The following GPD2 variants were observed in gnomAD, a reference collection of about 807,000 sequenced individuals.
GPD2 encodes glycerol-3-phosphate dehydrogenase, mitochondrial.
A neutral mutation model predicts 82.4 loss-of-function variants in GPD2; 54 were observed. That is an observed-to-expected ratio of 0.66 (90% CI 0.53 to 0.82). The LOEUF is 0.82. Among genes scored for constraint, GPD2 ranks in the 40% least tolerant of loss-of-function variants. GPD2 has a pLI of 0.00. For synonymous variants in GPD2, 288 were observed against 306.1 expected, an observed-to-expected ratio of 0.94 and a Z score of 0.62; for missense variants, 748 against 896.2, an observed-to-expected ratio of 0.83 and a Z score of 2.11.
In GPD2 at chr2:156,583,024, CT is replaced by C; in HGVS notation, c.*112del. ...TGAAATAATGAATGTGGATAGCTGC[CT>C]TTTTTAACACTAGAAAACATTCCAA... On this transcript the variant is annotated 3_prime_UTR_variant, in exon 17 of 17. Coordinates refer to ENST00000438166, the MANE Select transcript of GPD2 (RefSeq NM_000408.5). The C allele has an allele frequency of 3.3e-6, 4 of 1,215,052 alleles. No individual in the cohort carries two copies. The highest frequency in any genetic ancestry group is 4.8e-6 in the Non-Finnish European group (4 of 831,020). 75.3% of individuals were successfully genotyped at this position (1,215,052 alleles called of 1,614,324 possible).
At chr2:156,426,135 G>A in the GPD2 span, among the ~76,000 whole-genome samples, 3 of 151,926 alleles carry the variant, frequency 2.0e-5, no homozygotes, top group South Asian at 2.1e-4. Flanking sequence ...GTTTTAGCCG[G>A]GATAGTCTCG....
At chr2:156,422,798 T>C in the GPD2 span, among the ~76,000 whole-genome samples, 1 of 152,004 alleles carries the variant, frequency 6.6e-6, no homozygotes, top group Non-Finnish European at 1.5e-5. Flanking sequence ...TAGATTCACA[T>C]TTCTTGTCAC....
chr2:156,413,644 C>T, the GPD2 span, among the ~76,000 whole-genome samples: 1 of 152,050 alleles, frequency 6.6e-6, no homozygotes, highest in Non-Finnish European at 1.5e-5. Context: ...GTGGCTCACA[C>T]CTGTAATCCC....
At chr2:156,529,776 C>T (rs1685771990) in intron 6 of GPD2, among the ~76,000 whole-genome samples, 1 of 151,656 alleles carries the variant, frequency 6.6e-6, no homozygotes, top group Admixed American at 6.6e-5. Context: ...TCTGAGGGCT[C>T]TGTTCTGTTC....
intron 6 of GPD2, among the ~76,000 whole-genome samples, chr2:156,519,960 G>C (rs192716): frequency 0.67 from 102,154 of 152,138 alleles, 34,689 homozygotes; most frequent in Middle Eastern, 0.81. Flanking sequence ...TTGGTACCCA[G>C]GTTCTTGCCC....
chr2:156,438,387 C>T (rs1274950451), intron 1 of GPD2, among the ~76,000 whole-genome samples: 4 of 152,108 alleles, frequency 2.6e-5, no homozygotes, highest in Non-Finnish European at 1.5e-5. Context: ...CCTTCTTATA[C>T]TCAAGTAGGA....
chr2:156,486,800 C>T (rs1683959537), intron 2 of GPD2, among the ~76,000 whole-genome samples: 1 of 152,084 alleles, frequency 6.6e-6, no homozygotes, highest in Non-Finnish European at 1.5e-5. Context: ...TGAAATAATT[C>T]ACAGAGAAAT....
intron 6 of GPD2, among the ~76,000 whole-genome samples, chr2:156,524,452 C>T (rs1685532558): frequency 6.6e-6 from 1 of 152,184 alleles, no homozygotes. Flanking sequence ...GGCTTCTTTA[C>T]TTTCCTGTTT....
intron 8 of GPD2, among the ~76,000 whole-genome samples, chr2:156,552,608 A>G (rs1384397204): frequency 6.6e-6 from 1 of 152,178 alleles, no homozygotes; most frequent in African/African-American, 2.4e-5. Context: ...TTTCTTCACT[A>G]TCATCCCATG....
intron 6 of GPD2, among the ~76,000 whole-genome samples, chr2:156,518,596 A>G (rs894691615): frequency 6.6e-6 from 1 of 152,188 alleles, no homozygotes; most frequent in African/African-American, 2.4e-5. Flanking sequence ...GTTAAAGACA[A>G]GTATTTTAAG....
chr2:156,580,417 A>T (rs1687985480), intron 16 of GPD2, among the ~76,000 whole-genome samples: 1 of 152,212 alleles, frequency 6.6e-6, no homozygotes, highest in Non-Finnish European at 1.5e-5. Context: ...TGTTACTTTA[A>T]CTTCAAACTG....
At chr2:156,418,548 T>C in the GPD2 span, among the ~76,000 whole-genome samples, 2 of 152,218 alleles carry the variant, frequency 1.3e-5, no homozygotes, top group Non-Finnish European at 2.9e-5. Context: ...CCATTCTCCC[T>C]GACCAGCCAA....
chr2:156,508,465 T>C (rs956336517), intron 3 of GPD2, among the ~76,000 whole-genome samples: 1 of 152,152 alleles, frequency 6.6e-6, no homozygotes, highest in Non-Finnish European at 1.5e-5. Flanking sequence ...TTGGGATTAC[T>C]GGAGACTGTC....
At position 156,583,657 on chromosome 2, in the gene GPD2, C is replaced by G. The variant is rs76606807; in HGVS notation, c.*739C>G. On this transcript the variant is annotated 3_prime_UTR_variant, in exon 17 of 17. Coordinates refer to ENST00000438166, the MANE Select transcript of GPD2 (RefSeq NM_000408.5). ...CAGTGATAGTTTCATCTCAGCAGTT[C>G]ATTTTTTTCTTCAGTCACTGCTGGT... 4,735 of 152,600 alleles carry G rather than the reference C, an allele frequency of 0.031. 104 individuals are homozygous for G. The highest frequency in any genetic ancestry group is 0.046 in the Non-Finnish European group (3,126 of 68,028). 9.5% of individuals were successfully genotyped at this position (152,600 alleles called of 1,614,324 possible).
At chr2:156,492,085 A>G (rs1305498186) in intron 2 of GPD2, among the ~76,000 whole-genome samples, 3 of 150,348 alleles carry the variant, frequency 2.0e-5, no homozygotes, top group Non-Finnish European at 1.5e-5. Context: ...CATTTCTGTA[A>G]GCAGTGTAAG....
intron 3 of GPD2, among the ~76,000 whole-genome samples, chr2:156,504,348 A>G (rs1407903174): frequency 6.6e-6 from 1 of 152,050 alleles, no homozygotes; most frequent in African/African-American, 2.4e-5. Context: ...CTGAAATCCA[A>G]AGTTAAGTGC....
intron 6 of GPD2, among the ~76,000 whole-genome samples, chr2:156,523,246 A>G (rs189745440): frequency 8.5e-5 from 13 of 152,120 alleles, no homozygotes; most frequent in Admixed American, 8.5e-4. Flanking sequence ...CTGCCTAGTC[A>G]TCCTTCCCCC....
chr2:156,546,358 T>A (rs1686535622), intron 6 of GPD2, among the ~76,000 whole-genome samples: 1 of 152,166 alleles, frequency 6.6e-6, no homozygotes, highest in South Asian at 2.1e-4. Context: ...GTCAAAAACT[T>A]TTTTCTCCAG....
At chr2:156,468,615 T>A (rs184559510) in intron 1 of GPD2, among the ~76,000 whole-genome samples, 1 of 152,238 alleles carries the variant, frequency 6.6e-6, no homozygotes, top group East Asian at 1.9e-4. Flanking sequence ...ATTTAATGTT[T>A]GAAATGCCTT....
Sources: allele counts gnomAD v4.1 joint callset (sites outside exome capture counted in the v4.1 genomes callset), GRCh38; gene constraint gnomAD v4.1.1; transcripts MANE v1.5; gene names NCBI Gene and HGNC (gene_info 2026-07-23, HGNC 2026-07-21).